SUCLG2: variants seen among roughly 807,000 people sequenced by gnomAD.
The protein encoded by SUCLG2 is succinate--CoA ligase [GDP-forming] subunit beta, mitochondrial.
Under a neutral mutation model 47.9 loss-of-function variants are expected in SUCLG2, and 42 were observed. That is an observed-to-expected ratio of 0.88 (90% CI 0.69 to 1.14). The LOEUF (loss-of-function observed/expected upper bound fraction) is 1.14, where lower values mean the gene tolerates loss of function less well. SUCLG2 is among the 50% of genes most tolerant of loss of function. The pLI is 0.00. For missense variants in SUCLG2, 571 were observed against 525.9 expected (o/e 1.09, Z -0.84); for synonymous variants, 195 against 197.3 (o/e 0.99, Z 0.10).
At chr3:67,440,294 G>A (rs1446236199) in intron 9 of SUCLG2, among the ~76,000 whole-genome samples, 1 of 152,056 alleles carries the variant, frequency 6.6e-6, no homozygotes, top group African/African-American at 2.4e-5. Flanking sequence ...GAAAACCTAG[G>A]CAATACCATT....
intron 2 of SUCLG2, among the ~76,000 whole-genome samples, chr3:67,544,082 C>A (rs946518230): frequency 1.3e-5 from 2 of 152,084 alleles, no homozygotes; most frequent in Non-Finnish European, 2.9e-5. Flanking sequence ...TATGGGAATT[C>A]AAAAAATTTT....
intron 9 of SUCLG2, among the ~76,000 whole-genome samples, chr3:67,482,567 T>C (rs535193222): frequency 3.3e-4 from 50 of 152,330 alleles, no homozygotes; most frequent in Middle Eastern, 3.4e-3. Flanking sequence ...TTGGATTAAC[T>C]ATTTGGTCGT....
At chr3:67,565,152 T>C (rs901295240) in intron 2 of SUCLG2, among the ~76,000 whole-genome samples, 1 of 152,196 alleles carries the variant, frequency 6.6e-6, no homozygotes, top group Non-Finnish European at 1.5e-5. Context: ...CTGCACTAGG[T>C]GCTGAGTATA....
Position 67,529,135 on chromosome 3 carries a change from T to G in SUCLG2, c.278A>C (p.Lys93Thr). The change falls in exon 3 of 11, where the codon AAA (lysine) becomes ACA (threonine). Residue 93 changes from lysine to threonine, a missense_variant. Lys to Thr is a moderately conservative substitution (Grantham distance 78). Transcript: ENST00000307227. ...TTTCAAACCACTATTGAAGACACCTTTTCCTCTTCCTCCAGCTAAGATCTG... is the reference window on the plus strand; with the variant it reads ...TTTCAAACCACTATTGAAGACACCTGTTCCTCTTCCTCCAGCTAAGATCTG... ...KAQILAGGRG[K>T]GVFNSGLKGG... The G allele has an allele frequency of 6.2e-7, 1 of 1,613,584 alleles. No homozygotes were observed.
chr3:67,599,253 C>T (rs1425122057), intron 2 of SUCLG2, among the ~76,000 whole-genome samples: 1 of 152,158 alleles, frequency 6.6e-6, no homozygotes, highest in East Asian at 1.9e-4. Flanking sequence ...CAGAGTCATC[C>T]TCACCATATT....
At chr3:67,614,596 C>T (rs1310953745) in intron 1 of SUCLG2, among the ~76,000 whole-genome samples, 1 of 152,054 alleles carries the variant, frequency 6.6e-6, no homozygotes, top group Non-Finnish European at 1.5e-5. Flanking sequence ...TCCCTGTCTT[C>T]CTGACTGGCC....
chr3:67,536,992 C>T (rs556554244), intron 2 of SUCLG2, among the ~76,000 whole-genome samples: 3 of 152,002 alleles, frequency 2.0e-5, no homozygotes, highest in East Asian at 1.9e-4. Flanking sequence ...TTTATGTATC[C>T]AAATAATGAA....
chr3:67,629,431 C>A (rs1417245271), intron 1 of SUCLG2, among the ~76,000 whole-genome samples: 1 of 152,092 alleles, frequency 6.6e-6, no homozygotes, highest in African/African-American at 2.4e-5. Flanking sequence ...TTTATGATTA[C>A]TGGTTTATTA....
intron 1 of SUCLG2, among the ~76,000 whole-genome samples, chr3:67,616,665 G>A (rs1700635757): frequency 6.6e-6 from 1 of 152,152 alleles, no homozygotes; most frequent in Admixed American, 6.5e-5. Flanking sequence ...TTAACACAAT[G>A]GTGTAGCCTT....
chr3:67,616,979 T>C (rs188695563), intron 1 of SUCLG2, among the ~76,000 whole-genome samples: 112 of 152,360 alleles, frequency 7.4e-4, no homozygotes, highest in African/African-American at 1.7e-3. Context: ...TGGTGGGCTG[T>C]GGCAAGTCAA....
chr3:67,648,063 C>T (rs1179917607), intron 1 of SUCLG2, among the ~76,000 whole-genome samples: 1 of 152,190 alleles, frequency 6.6e-6, no homozygotes, highest in Non-Finnish European at 1.5e-5. Flanking sequence ...GGCCCACCAT[C>T]GGGTCATATG....
intron 9 of SUCLG2, among the ~76,000 whole-genome samples, chr3:67,485,462 A>G (rs1234513356): frequency 6.6e-6 from 1 of 152,168 alleles, no homozygotes; most frequent in Non-Finnish European, 1.5e-5. Context: ...TTTTTGAAAG[A>G]TATTTTATAT....
chr3:67,573,373 G>C (rs890697617), intron 2 of SUCLG2, among the ~76,000 whole-genome samples: 1 of 152,140 alleles, frequency 6.6e-6, no homozygotes. Flanking sequence ...AAAAGGAAAA[G>C]AATATTGAAA....
At chr3:67,376,331 A>G (rs9867496) in intron 10 of SUCLG2, 536,764 of 985,100 alleles carry the variant, frequency 0.54, 146,886 homozygotes, top group Middle Eastern at 0.64. Context: ...TCCTCACTCT[A>G]TAAAATGAAA....
At chr3:67,392,851 G>C (rs1256789937) in intron 10 of SUCLG2, among the ~76,000 whole-genome samples, 2 of 151,784 alleles carry the variant, frequency 1.3e-5, no homozygotes, top group Non-Finnish European at 2.9e-5. Flanking sequence ...GTCTTGCTAA[G>C]TTGCCCAGAC....
At chr3:67,621,421 AG>A (rs1436343573) in intron 1 of SUCLG2, among the ~76,000 whole-genome samples, 1 of 152,218 alleles carries the variant, frequency 6.6e-6, no homozygotes. Context: ...GTCATAAAAA[AG>A]GCACTTCTTT....
intron 10 of SUCLG2, among the ~76,000 whole-genome samples, chr3:67,386,979 C>G (rs1220760421): frequency 2.6e-5 from 4 of 152,148 alleles, no homozygotes; most frequent in African/African-American, 9.7e-5. Flanking sequence ...TTGCCTCTCT[C>G]TTTGTATCTC....
chr3:67,430,195 T>A (rs946963255), intron 9 of SUCLG2, among the ~76,000 whole-genome samples: 1 of 152,002 alleles, frequency 6.6e-6, no homozygotes, highest in African/African-American at 2.4e-5. Context: ...GACCACAGAG[T>A]TGGAAGTAAA....
intron 2 of SUCLG2, among the ~76,000 whole-genome samples, chr3:67,597,882 C>T (rs1575805976): frequency 6.6e-6 from 1 of 151,726 alleles, no homozygotes; most frequent in South Asian, 2.1e-4. Context: ...AGGTTGCAGT[C>T]AGCCAAGATC....
Sources: allele counts gnomAD v4.1 joint callset (sites outside exome capture counted in the v4.1 genomes callset), GRCh38; gene constraint gnomAD v4.1.1; transcripts MANE v1.5; gene names NCBI Gene and HGNC (gene_info 2026-07-23, HGNC 2026-07-21).